CHD7: variants seen among roughly 807,000 people sequenced by gnomAD.
The protein encoded by CHD7 is ATP-dependent chromatin remodeler CHD7.
A neutral mutation model predicts 307.3 loss-of-function variants in CHD7; 24 were observed. The ratio of observed to expected loss-of-function variants is 0.08; its 90% CI spans 0.06 to 0.11. CHD7 has a LOEUF of 0.11. Ranked by LOEUF, CHD7 falls within the 10% of genes least tolerant of loss-of-function variation. CHD7 has a pLI of 1.00. For synonymous variants in CHD7, 1,363 were observed against 1,349.9 expected, an observed-to-expected ratio of 1.01 and a Z score of -0.21; for missense variants, 3,106 against 3,727.1, an observed-to-expected ratio of 0.83 and a Z score of 4.34.
At chr8:60,855,917 C>A in intron 32 of CHD7, 58 bp from the exon 33 acceptor site, 2 of 1,121,282 alleles carry the variant, frequency 1.8e-6, no homozygotes, top group Non-Finnish European at 2.6e-6. Context: ...ATGTATTTAT[C>A]TAGTAATTTT....
At chr8:60,708,003 G>A (rs1807098929) in intron 1 of CHD7, among the ~76,000 whole-genome samples, 1 of 152,180 alleles carries the variant, frequency 6.6e-6, no homozygotes, top group Admixed American at 6.5e-5. Context: ...GGTTCCTGGA[G>A]GAATTAGCTT....
At chr8:60,804,466 G>A (rs1354809352) in intron 6 of CHD7, among the ~76,000 whole-genome samples, 1 of 152,056 alleles carries the variant, frequency 6.6e-6, no homozygotes, top group African/African-American at 2.4e-5. Context: ...TTTTAAGTAT[G>A]TAGCTGAGCC....
At chr8:60,750,001 G>T (rs1199890346) in intron 2 of CHD7, among the ~76,000 whole-genome samples, 1 of 152,174 alleles carries the variant, frequency 6.6e-6, no homozygotes, top group African/African-American at 2.4e-5. Flanking sequence ...ATTATACCAG[G>T]TGTCAAGTTA....
intron 34 of CHD7, among the ~76,000 whole-genome samples, chr8:60,858,926 T>A (rs1225532592): frequency 6.6e-6 from 1 of 152,236 alleles, no homozygotes; most frequent in African/African-American, 2.4e-5. Context: ...CACAGCTTTG[T>A]CTCTGGATCA....
intron 4 of CHD7, among the ~76,000 whole-genome samples, chr8:60,796,812 GTTGT>G (rs1470914004): frequency 1.3e-5 from 2 of 152,202 alleles, no homozygotes; most frequent in East Asian, 3.9e-4. Context: ...ATGCTGACTG[GTTGT>G]TTATTATGTT....
In CHD7 at chr8:60,830,094, G is replaced by A. The variant is rs530671523; in HGVS notation, c.3523-228G>A. Among the ~76,000 whole-genome samples the A allele has an allele frequency of 4.6e-5, 7 of 152,332 alleles. No individual in the cohort carries two copies. In the South Asian group the frequency reaches 1.2e-3, roughly 27 times the overall value. ...TGGGTACTTTTCAAGCCTTCTGGCT[G>A]TTCAGGGCTCCTGGATGGGTGAAAT... On this transcript the variant is annotated intron_variant, in intron 14 of 37. Coordinates refer to ENST00000423902, the MANE Select transcript of CHD7 (RefSeq NM_017780.4).
At chr8:60,862,115 C>A in intron 35 of CHD7, 81 bp from the exon 36 acceptor site, 2 of 1,023,972 alleles carry the variant, frequency 2.0e-6, no homozygotes, top group Non-Finnish European at 1.4e-6. Context: ...TGAAGATGAT[C>A]TGACAGTTCT....
At position 60,767,067 on chromosome 8, in the gene CHD7, C is replaced by T. The variant is rs572841107; in HGVS notation, c.1666-13933C>T. On this transcript the variant is annotated intron_variant, in intron 2 of 37. Transcript: ENST00000423902. Reference sequence around the variant, plus strand: ...AGAGAGGGCTGTCCTGCATGTCATGCGAAGAAGCGAGGAGTGAGCAGCTGT... The same window carrying T: ...AGAGAGGGCTGTCCTGCATGTCATGTGAAGAAGCGAGGAGTGAGCAGCTGT... 3.3e-5 allele frequency among the ~76,000 whole-genome samples: 5 copies of T among 152,180 alleles called. No individual in the cohort carries two copies. The East Asian group carries it at 7.7e-4, about 24-fold the overall frequency.
intron 34 of CHD7, among the ~76,000 whole-genome samples, chr8:60,860,289 A>G (rs1489872763): frequency 1.3e-5 from 2 of 152,222 alleles, no homozygotes; most frequent in Non-Finnish European, 2.9e-5. Context: ...CCTTTCATGC[A>G]TATCAGCTCA....
intron 1 of CHD7, among the ~76,000 whole-genome samples, chr8:60,685,995 A>T (rs4738814): frequency 0.48 from 73,181 of 152,044 alleles, 21,593 homozygotes; most frequent in East Asian, 0.75. Flanking sequence ...GTGCATAAAG[A>T]TAACCTTCCT....
intron 15 of CHD7, among the ~76,000 whole-genome samples, chr8:60,835,613 C>T (rs372323024): frequency 2.0e-5 from 3 of 152,214 alleles, no homozygotes; most frequent in Non-Finnish European, 4.4e-5. Flanking sequence ...TACTATTGCT[C>T]TTACGCTGTA....
intron 6 of CHD7, 27 bp from the exon 7 acceptor site, chr8:60,808,190 C>T: frequency 1.3e-6 from 2 of 1,513,898 alleles, no homozygotes; most frequent in Non-Finnish European, 1.8e-6. Flanking sequence ...GTTTTAAATA[C>T]ATGCCTGAAA....
Position 60,781,479 on chromosome 8 carries a change from A to G in CHD7, c.2096+49A>G, listed in dbSNP as rs778925895. 31 of 1,482,070 alleles carry G rather than the reference A, an allele frequency of 2.1e-5. No individual in the cohort carries two copies. The Middle Eastern group carries it at 1.1e-3, about 51-fold the overall frequency. 91.8% of individuals were successfully genotyped at this position (1,482,070 alleles called of 1,614,324 possible). A position where few individuals can be genotyped will look rare whatever the true frequency, so the allele number is the denominator to read the frequency against. On this transcript the variant is annotated intron_variant, in intron 3 of 37. Coordinates refer to ENST00000423902, the MANE Select transcript of CHD7 (RefSeq NM_017780.4). Reference sequence around the variant, plus strand: ...ACTGCAAAACATTGAGAGTACAGAAATTAGCGCCAAATAGTTACAGCCTAT... The same window carrying G: ...ACTGCAAAACATTGAGAGTACAGAAGTTAGCGCCAAATAGTTACAGCCTAT...
intron 7 of CHD7, chr8:60,809,393 G>A (rs960260678): frequency 6.6e-6 from 1 of 152,134 alleles, no homozygotes; most frequent in Non-Finnish European, 1.5e-5. Flanking sequence ...TGGTAAGGAG[G>A]AGGTAAACTA....
Position 60,837,758 on chromosome 8 carries a change from G to C in CHD7, c.4276G>C (p.Asp1426His). ...AAATTCCTATGAAAGGGAAATGTTCGACAAGGCTAGTTTGAAACTGGGCCT... is the reference window on the plus strand; with the variant it reads ...AAATTCCTATGAAAGGGAAATGTTCCACAAGGCTAGTTTGAAACTGGGCCT... The part of the protein sequence containing the change: ...TRNSYEREMF[D>H]KASLKLGLDK... The change falls in exon 18 of 38, where the codon GAC becomes CAC. Residue 1426 changes from aspartate (D) to histidine (H), a missense_variant. By Grantham distance (81) the Asp-to-His change is moderately conservative (BLOSUM62 -1). Transcript: ENST00000423902. The C allele has an allele frequency of 6.2e-7, 1 of 1,613,210 alleles. No individual in the cohort carries two copies. The highest frequency in any genetic ancestry group is 8.5e-7 in the Non-Finnish European group (1 of 1,179,534).
chr8:60,800,278 C>A, intron 4 of CHD7, 110 bp from the exon 5 acceptor site: 2 of 1,020,052 alleles, frequency 2.0e-6, no homozygotes, highest in Non-Finnish European at 2.8e-6. Context: ...GTGATCCGCC[C>A]GCCTCGGCCT....
intron 6 of CHD7, among the ~76,000 whole-genome samples, chr8:60,801,948 CCT>C (rs1812333846): frequency 6.6e-6 from 1 of 152,100 alleles, no homozygotes; most frequent in Non-Finnish European, 1.5e-5. Context: ...AAGGTTCCCC[CCT>C]CTTTCATGTT....
At chr8:60,687,744 A>T (rs180763712) in intron 1 of CHD7, among the ~76,000 whole-genome samples, 146 of 152,340 alleles carry the variant, frequency 9.6e-4, no homozygotes, top group African/African-American at 3.4e-3. Flanking sequence ...AACTCTAGGT[A>T]ATAGGTAGAA....
At chr8:60,750,396 C>G (rs1425876510) in intron 2 of CHD7, among the ~76,000 whole-genome samples, 1 of 152,122 alleles carries the variant, frequency 6.6e-6, no homozygotes, top group Admixed American at 6.5e-5. Context: ...GCAACCTCCA[C>G]CGAGGTGGAA....
Sources: gnomAD v4.1 joint callset for allele counts (sites outside exome capture counted in the v4.1 genomes callset) on GRCh38, gnomAD v4.1.1 for gene constraint, MANE v1.5 for transcripts, NCBI Gene and HGNC (gene_info 2026-07-23, HGNC 2026-07-21) for gene names.